UBE2E2: variants seen among roughly 807,000 people sequenced by gnomAD.
UBE2E2 encodes ubiquitin conjugating enzyme E2 E2.
In UBE2E2, 6 loss-of-function variants were observed where a neutral mutation model predicts 24.7. The observed-to-expected ratio is 0.24, with a 90% CI of 0.13 to 0.48. The LOEUF (loss-of-function observed/expected upper bound fraction) is 0.48. Among genes scored for constraint, UBE2E2 ranks in the 20% least tolerant of loss-of-function variants. The probability of loss-of-function intolerance (pLI) is 0.99; values close to 1 mark genes in which losing one functional copy is unlikely to be tolerated. For synonymous variants in UBE2E2, 104 were observed against 83.6 expected (o/e 1.24, Z -1.33); for missense variants, 169 against 245.0 (o/e 0.69, Z 2.07).
intron 3 of UBE2E2, among the ~76,000 whole-genome samples, chr3:23,332,813 G>A (rs754699022): frequency 3.9e-5 from 6 of 151,944 alleles, no homozygotes; most frequent in Non-Finnish European, 8.8e-5. Context: ...ACTTCTAGAT[G>A]CCAACCAAAT....
chr3:23,259,597 A>G (rs969823879), intron 3 of UBE2E2, among the ~76,000 whole-genome samples: 10 of 152,122 alleles, frequency 6.6e-5, no homozygotes, highest in Non-Finnish European at 1.5e-4. Context: ...TCTTGACTCA[A>G]ATATTGTAAT....
chr3:23,575,898 T>C (rs1240052811), intron 5 of UBE2E2, among the ~76,000 whole-genome samples: 9 of 152,190 alleles, frequency 5.9e-5, no homozygotes, highest in African/African-American at 1.7e-4. Flanking sequence ...GAATGCCTTA[T>C]AGTTACTAAA....
At chr3:23,214,138 C>T (rs1253117558) in intron 2 of UBE2E2, among the ~76,000 whole-genome samples, 2 of 152,148 alleles carry the variant, frequency 1.3e-5, no homozygotes, top group East Asian at 3.8e-4. Context: ...TGACTCACTG[C>T]TCAGACTTCT....
intron 3 of UBE2E2, among the ~76,000 whole-genome samples, chr3:23,316,895 C>T (rs947724387): frequency 3.9e-5 from 6 of 152,100 alleles, no homozygotes; most frequent in Admixed American, 2.6e-4. Flanking sequence ...CTAGAAATGT[C>T]ATCCAGGGAA....
intron 3 of UBE2E2, among the ~76,000 whole-genome samples, chr3:23,269,401 A>G (rs1441303135): frequency 6.6e-6 from 1 of 152,146 alleles, no homozygotes; most frequent in Admixed American, 6.5e-5. Flanking sequence ...GTTAAAAGCT[A>G]AACTCCAAAG....
chr3:23,209,932 G>A (rs28641973), intron 2 of UBE2E2, among the ~76,000 whole-genome samples: 6,357 of 152,082 alleles, frequency 0.042, 458 homozygotes, highest in African/African-American at 0.15. Flanking sequence ...AAGTCAGAGA[G>A]CCCTGAACTT....
At chr3:23,527,854 C>T (rs1695035226) in intron 4 of UBE2E2, among the ~76,000 whole-genome samples, 3 of 150,336 alleles carry the variant, frequency 2.0e-5, no homozygotes, top group Admixed American at 2.0e-4. Context: ...TCGTACCTTA[C>T]CTTATGCTTA....
chr3:23,495,976 A>G (rs150949115), intron 3 of UBE2E2, among the ~76,000 whole-genome samples: 62 of 152,302 alleles, frequency 4.1e-4, no homozygotes, highest in Non-Finnish European at 6.5e-4. Flanking sequence ...TTCATTTCCT[A>G]TCTCTACATC....
rs1426068268 is a variant in UBE2E2, at chr3:23,591,709, A to C, written c.*1878A>C. 1 of 152,222 alleles carries C rather than the reference A, an allele frequency of 6.6e-6. No individual in the cohort carries two copies. The highest frequency in any genetic ancestry group is 2.4e-5 in the African/African-American group (1 of 41,460). 9.4% of individuals were successfully genotyped at this position (152,222 alleles called of 1,614,324 possible). A position where few individuals can be genotyped will look rare whatever the true frequency, so the allele number is the denominator to read the frequency against. On this transcript the variant is annotated 3_prime_UTR_variant, in exon 6 of 6. Transcript: ENST00000396703. ...TTGCCAATCCCTGACACAGACCAAC[A>C]TAGACTGGGGGCTGGATGAAAAACA... is the stretch of plus-strand genomic sequence containing the variant.
At chr3:23,400,199 C>G (rs565459985) in intron 3 of UBE2E2, among the ~76,000 whole-genome samples, 2 of 152,106 alleles carry the variant, frequency 1.3e-5, no homozygotes, top group Non-Finnish European at 2.9e-5. Context: ...TGTCAAAATA[C>G]CAAGCTTGGA....
At chr3:23,434,940 A>G (rs1159581441) in intron 3 of UBE2E2, among the ~76,000 whole-genome samples, 1 of 152,232 alleles carries the variant, frequency 6.6e-6, no homozygotes, top group Non-Finnish European at 1.5e-5. Flanking sequence ...TTGCATATCC[A>G]GATTCACAGA....
intron 3 of UBE2E2, among the ~76,000 whole-genome samples, chr3:23,314,800 C>T (rs991329469): frequency 2.6e-5 from 4 of 152,324 alleles, no homozygotes; most frequent in Admixed American, 2.6e-4. Flanking sequence ...GACGTTTCCA[C>T]TGAAAAGACT....
At chr3:23,442,261 T>C (rs1698324521) in intron 3 of UBE2E2, among the ~76,000 whole-genome samples, 1 of 152,000 alleles carries the variant, frequency 6.6e-6, no homozygotes, top group Non-Finnish European at 1.5e-5. Context: ...AGAGAAGTTT[T>C]AATGAACTTA....
chr3:23,435,122 GTTAT>G (rs1170577043), intron 3 of UBE2E2, among the ~76,000 whole-genome samples: 1 of 152,164 alleles, frequency 6.6e-6, no homozygotes. Flanking sequence ...AATCTGGCCT[GTTAT>G]TTATGTCCCC....
At chr3:23,328,627 A>G (rs1372121732) in intron 3 of UBE2E2, among the ~76,000 whole-genome samples, 1 of 149,274 alleles carries the variant, frequency 6.7e-6, no homozygotes, top group Non-Finnish European at 1.5e-5. Context: ...ACATCTGTAG[A>G]TTCATTTAGC....
chr3:23,447,397 G>T (rs1259860183), intron 3 of UBE2E2, among the ~76,000 whole-genome samples: 5 of 152,166 alleles, frequency 3.3e-5, no homozygotes, highest in Admixed American at 6.5e-5. Flanking sequence ...TAACCTTTCT[G>T]ATATCAATTA....
Position 23,501,165 on chromosome 3 carries a change from A to G in UBE2E2, c.360+1425A>G, listed in dbSNP as rs566382444. 2.0e-5 allele frequency among the ~76,000 whole-genome samples: 3 copies of G among 152,290 alleles called. No homozygotes were observed. In the East Asian group the frequency reaches 5.8e-4, roughly 29 times the overall value. ...AGCCTCTACAGTAAAGGATGCACAG[A>G]GTGAGGAAGGAGGAGGAAAACTCAG... On this transcript the variant is annotated intron_variant, in intron 4 of 5. Transcript: ENST00000396703.
chr3:23,318,270 T>G (rs560826518), intron 3 of UBE2E2, among the ~76,000 whole-genome samples: 1 of 152,282 alleles, frequency 6.6e-6, no homozygotes, highest in African/African-American at 2.4e-5. Context: ...GCTCAAGTGA[T>G]TCTTCCACCT....
intron 3 of UBE2E2, among the ~76,000 whole-genome samples, chr3:23,263,368 TTAAAAG>T (rs1697954464): frequency 6.6e-6 from 1 of 152,230 alleles, no homozygotes; most frequent in African/African-American, 2.4e-5. Context: ...GAGTTGAACT[TTAAAAG>T]TAATTAAATG....
Sources: allele counts gnomAD v4.1 joint callset (sites outside exome capture counted in the v4.1 genomes callset), GRCh38; gene constraint gnomAD v4.1.1; transcripts MANE v1.5; gene names NCBI Gene and HGNC (gene_info 2026-07-23, HGNC 2026-07-21).